The following CHODL variants were observed in gnomAD, a reference collection of about 807,000 sequenced individuals.
CHODL encodes chondrolectin.
In CHODL, 29 loss-of-function variants were observed where a neutral mutation model predicts 34.5. The observed-to-expected ratio is 0.84, with a 90% CI of 0.63 to 1.15. The LOEUF (loss-of-function observed/expected upper bound fraction) is 1.15, where lower values mean the gene tolerates loss of function less well. CHODL is among the 50% of genes most tolerant of loss of function. The probability of loss-of-function intolerance (pLI) is 0.00; values close to 1 mark genes in which losing one functional copy is unlikely to be tolerated. For synonymous variants in CHODL, 125 were observed against 116.1 expected, an observed-to-expected ratio of 1.08 and a Z score of -0.49; for missense variants, 332 against 332.5, an observed-to-expected ratio of 1.00 and a Z score of 0.01.
intron 2 of CHODL, among the ~76,000 whole-genome samples, chr21:18,095,133 AAAG>A (rs1158279997): frequency 2.0e-5 from 3 of 151,424 alleles, no homozygotes; most frequent in African/African-American, 7.3e-5. Context: ...CAAAAAAAAA[AAAG>A]AAGGAAAGAA....
chr21:18,238,123 A>C (rs1186233425), intron 2 of CHODL, among the ~76,000 whole-genome samples: 1 of 152,066 alleles, frequency 6.6e-6, no homozygotes, highest in Non-Finnish European at 1.5e-5. Flanking sequence ...GCTTCTCAGC[A>C]CTCTGAACTA....
intron 1 of CHODL, among the ~76,000 whole-genome samples, chr21:17,966,959 C>G (rs1568820968): frequency 6.6e-6 from 1 of 151,152 alleles, no homozygotes; most frequent in Admixed American, 6.6e-5. Flanking sequence ...GATCTTGGCT[C>G]CCTGCAACCT....
intron 1 of CHODL, among the ~76,000 whole-genome samples, chr21:17,932,867 T>C (rs1056771023): frequency 6.6e-6 from 1 of 152,062 alleles, no homozygotes; most frequent in Non-Finnish European, 1.5e-5. Context: ...AGGATCCCGC[T>C]GGCCTCTTGA....
intron 2 of CHODL, among the ~76,000 whole-genome samples, chr21:18,225,568 T>G (rs1414250443): frequency 6.6e-6 from 1 of 152,142 alleles, no homozygotes; most frequent in Non-Finnish European, 1.5e-5. Context: ...ATGTAGTTCA[T>G]TGTAAAATAT....
intron 5 of CHODL, among the ~76,000 whole-genome samples, chr21:18,265,206 CATATATGTATGTGT>C (rs1412255072): frequency 7.4e-6 from 1 of 135,792 alleles, no homozygotes; most frequent in Non-Finnish European, 1.5e-5. Context: ...CACACACACA[CATATATGTATGTGT>C]ATATATATAT....
intron 1 of CHODL, among the ~76,000 whole-genome samples, chr21:18,016,363 T>C (rs1197304591): frequency 6.6e-6 from 1 of 152,164 alleles, no homozygotes; most frequent in Non-Finnish European, 1.5e-5. Context: ...TTCCATGTGG[T>C]ATTGGTCCTG....
chr21:18,016,384 G>A (rs959250286), intron 1 of CHODL, among the ~76,000 whole-genome samples: 11 of 152,222 alleles, frequency 7.2e-5, no homozygotes, highest in Admixed American at 2.0e-4. Context: ...TGGGTGCGAA[G>A]AAGGCAAGAG....
At chr21:18,180,903 T>A (rs2073373958) in intron 2 of CHODL, among the ~76,000 whole-genome samples, 1 of 152,254 alleles carries the variant, frequency 6.6e-6, no homozygotes, top group East Asian at 1.9e-4. Flanking sequence ...AACATATTAA[T>A]AACACTTATT....
chr21:18,070,974 A>G (rs920101124), intron 2 of CHODL, among the ~76,000 whole-genome samples: 2 of 151,910 alleles, frequency 1.3e-5, no homozygotes, highest in African/African-American at 2.4e-5. Context: ...GTTATTCTAA[A>G]CTAGTAAATC....
upstream of CHODL, among the ~76,000 whole-genome samples, chr21:18,240,143 A>G (rs899065316): frequency 1.3e-5 from 2 of 152,082 alleles, no homozygotes; most frequent in Non-Finnish European, 2.9e-5. Context: ...TTTGGTAAAT[A>G]TTGATCAGAA....
chr21:18,255,670 A>G (rs959556607), intron 1 of CHODL, among the ~76,000 whole-genome samples: 12 of 152,106 alleles, frequency 7.9e-5, no homozygotes, highest in Non-Finnish European at 1.8e-4. Context: ...CTGTTCTCTA[A>G]GCCATCATTT....
chr21:18,200,620 A>C (rs1182875573), intron 2 of CHODL, among the ~76,000 whole-genome samples: 1 of 152,206 alleles, frequency 6.6e-6, no homozygotes, highest in Non-Finnish European at 1.5e-5. Flanking sequence ...CTTAGAATGG[A>C]AAAAAAGATT....
At chr21:18,233,559 G>A (rs2074002064) in intron 2 of CHODL, among the ~76,000 whole-genome samples, 1 of 152,092 alleles carries the variant, frequency 6.6e-6, no homozygotes, top group Non-Finnish European at 1.5e-5. Flanking sequence ...CCTAAGAGCA[G>A]GAAGGCCAAA....
At chr21:18,091,000 A>G in intron 2 of CHODL, among the ~76,000 whole-genome samples, 1 of 152,228 alleles carries the variant, frequency 6.6e-6, no homozygotes. Context: ...ATTTCCTGGC[A>G]GTGACCGTCT....
intron 1 of CHODL, among the ~76,000 whole-genome samples, chr21:17,978,993 T>C (rs2063693321): frequency 6.6e-6 from 1 of 152,188 alleles, no homozygotes; most frequent in Non-Finnish European, 1.5e-5. Flanking sequence ...CTTCTCATGC[T>C]TGAACTTTCC....
chr21:18,172,913 C>T lies in CHODL; in HGVS notation c.-44-83596C>T, dbSNP rs137937276. ...TCTTGGGGTAGGTTCTCATCTGGAG[C>T]TGTGGTCCTCTCCCAAGCCCATTCA... On this transcript the variant is annotated intron_variant, in intron 2 of 6. Transcript: ENST00000400127. Among the ~76,000 whole-genome samples the T allele has an allele frequency of 8.0e-4, 122 of 152,266 alleles. 2 individuals are homozygous for T. The East Asian group carries it at 0.017, about 21-fold the overall frequency.
intron 2 of CHODL, among the ~76,000 whole-genome samples, chr21:18,048,212 A>G (rs1345459550): frequency 2.6e-5 from 4 of 151,988 alleles, no homozygotes; most frequent in Non-Finnish European, 5.9e-5. Context: ...TTTCTCAAAA[A>G]TGATGGCGTT....
At chr21:18,189,710 C>G (rs1234516235) in intron 2 of CHODL, among the ~76,000 whole-genome samples, 2 of 147,918 alleles carry the variant, frequency 1.4e-5, no homozygotes, top group Non-Finnish European at 3.0e-5. Context: ...TCTCAGCTCA[C>G]TGCAACCTCC....
At chr21:18,224,712 T>G (rs1183070813) in intron 2 of CHODL, among the ~76,000 whole-genome samples, 3 of 152,184 alleles carry the variant, frequency 2.0e-5, no homozygotes, top group Non-Finnish European at 4.4e-5. Flanking sequence ...ATTTCCTTGG[T>G]TTTAAACATA....
Sources: gnomAD v4.1 joint callset for allele counts (sites outside exome capture counted in the v4.1 genomes callset) on GRCh38, gnomAD v4.1.1 for gene constraint, MANE v1.5 for transcripts, NCBI Gene and HGNC (gene_info 2026-07-23, HGNC 2026-07-21) for gene names.